The following CDKL5 variants were observed in gnomAD, a reference collection of about 807,000 sequenced individuals.
CDKL5 encodes cyclin dependent kinase like 5.
A neutral mutation model predicts 61.7 loss-of-function variants in CDKL5; 8 were observed. The observed-to-expected ratio is 0.13, with a 90% CI of 0.08 to 0.23. The LOEUF is 0.23. CDKL5 is among the 10% of genes least tolerant of loss of function. The pLI, the probability that CDKL5 is intolerant of heterozygous loss-of-function variation, is 1.00. For missense variants in CDKL5, 440 were observed against 734.5 expected (o/e 0.60, Z 4.63); for synonymous variants, 275 against 272.3 (o/e 1.01, Z -0.10).
intron 9 of CDKL5, chrX:18,589,468 A>C (rs906569126): frequency 9.1e-6 from 1 of 110,467 alleles, no homozygotes; most frequent in African/African-American, 3.3e-5. Flanking sequence ...AAGGACATGA[A>C]CTCATCCTTT....
intron 3 of CDKL5, among the ~76,000 whole-genome samples, chrX:18,553,463 TGC>T (rs772963132): frequency 1.2e-3 from 116 of 99,112 alleles, no homozygotes; most frequent in African/African-American, 4.3e-3. Context: ...TGTGTGTGTG[TGC>T]GTGTGTGTGT....
intron 20 of CDKL5, chrX:18,649,986 G>A (rs6629284): frequency 0.16 from 30,702 of 193,857 alleles, 2,124 homozygotes; most frequent in East Asian, 0.39. Context: ...ACCCGCCGCC[G>A]CCGCCCCGCT....
At chrX:18,621,950 T>C (rs1447758952) in intron 16 of CDKL5, among the ~76,000 whole-genome samples, 1 of 112,291 alleles carries the variant, frequency 8.9e-6, no homozygotes. Flanking sequence ...TGACCACTGT[T>C]ATTTTTATTT....
At chrX:18,461,292 T>C (rs1041523594) in intron 1 of CDKL5, among the ~76,000 whole-genome samples, 3 of 112,595 alleles carry the variant, frequency 2.7e-5, no homozygotes, top group Admixed American at 1.9e-4. Context: ...TTTATGTTGC[T>C]TTCTTTTTGA....
intron 1 of CDKL5, among the ~76,000 whole-genome samples, chrX:18,433,318 C>T (rs954912803): frequency 3.6e-5 from 4 of 111,273 alleles, no homozygotes; most frequent in Non-Finnish European, 5.7e-5. Context: ...TTTGGGAGGC[C>T]GAGGCAGGCG....
intron 1 of CDKL5, among the ~76,000 whole-genome samples, chrX:18,453,524 A>G (rs1303653689): frequency 4.5e-5 from 5 of 111,898 alleles, no homozygotes; most frequent in Non-Finnish European, 9.4e-5. Context: ...CATGATGTGT[A>G]TGTACTTCCT....
At chrX:18,626,735 C>CT (rs1927072258) in intron 17 of CDKL5, 1 of 37,856 alleles carries the variant, frequency 2.6e-5, no homozygotes, top group African/African-American at 1.0e-4. Flanking sequence ...CCCCCTCTCT[C>CT]CCCCCCCCTC....
intron 1 of CDKL5, among the ~76,000 whole-genome samples, chrX:18,496,205 A>T (rs1298793382): frequency 8.9e-6 from 1 of 112,437 alleles, no homozygotes; most frequent in Non-Finnish European, 1.9e-5. Flanking sequence ...ATCAGATTGC[A>T]GTCTGCTTTT....
At chrX:18,509,571 A>G (rs975821467) in intron 2 of CDKL5, among the ~76,000 whole-genome samples, 19 of 111,590 alleles carry the variant, frequency 1.7e-4, no homozygotes, top group African/African-American at 5.5e-4. Context: ...AAGCTCAGCT[A>G]TCATTCATTA....
intron 3 of CDKL5, among the ~76,000 whole-genome samples, chrX:18,539,797 A>G (rs1923958938): frequency 9.0e-6 from 1 of 111,676 alleles, no homozygotes; most frequent in South Asian, 3.7e-4. Context: ...GTTCATTAGT[A>G]TATCAGTTTG....
At chrX:18,595,532 A>T in intron 10 of CDKL5, 104 bp downstream of exon 10, 1 of 554,452 alleles carries the variant, frequency 1.8e-6, no homozygotes, top group Non-Finnish European at 3.2e-6. Flanking sequence ...ATTTTAGGAG[A>T]TGTGGAATGG....
chrX:18,539,426 A>G (rs1923947532), intron 3 of CDKL5, among the ~76,000 whole-genome samples: 1 of 112,131 alleles, frequency 8.9e-6, no homozygotes. Flanking sequence ...ATCAAGTTCT[A>G]TGAAATTAGA....
intron 1 of CDKL5, among the ~76,000 whole-genome samples, chrX:18,449,947 A>C (rs1931972024): frequency 9.0e-6 from 1 of 111,452 alleles, no homozygotes; most frequent in South Asian, 3.8e-4. Flanking sequence ...GGCGCATGCC[A>C]CCACGCGCAG....
chrX:18,509,465 G>C (rs141574488), intron 2 of CDKL5, among the ~76,000 whole-genome samples: 2 of 111,082 alleles, frequency 1.8e-5, no homozygotes, highest in East Asian at 5.7e-4. Flanking sequence ...CTGTGTTGGA[G>C]ACACATTTCC....
chrX:18,488,561 C>G (rs932915162), intron 1 of CDKL5, among the ~76,000 whole-genome samples: 4 of 111,537 alleles, frequency 3.6e-5, no homozygotes, highest in Non-Finnish European at 5.7e-5. Flanking sequence ...CATCTTCACC[C>G]CAGACTTTCT....
intron 1 of CDKL5, among the ~76,000 whole-genome samples, chrX:18,429,375 C>T (rs1931432794): frequency 9.0e-6 from 1 of 111,268 alleles, no homozygotes; most frequent in African/African-American, 3.3e-5. Context: ...TATAATACTC[C>T]ATCTATTGAG....
At chrX:18,526,061 T>G (rs2147105653) in intron 3 of CDKL5, among the ~76,000 whole-genome samples, 1 of 112,655 alleles carries the variant, frequency 8.9e-6, no homozygotes, top group East Asian at 2.8e-4. Context: ...ATATTGAGTC[T>G]TATAATCTGT....
chrX:18,524,776 G>A (rs1477393249), intron 3 of CDKL5, among the ~76,000 whole-genome samples: 4 of 112,037 alleles, frequency 3.6e-5, no homozygotes, highest in Non-Finnish European at 3.8e-5. Context: ...TTTAGTTTTT[G>A]TGAGACTTGT....
chrX:18,475,813 A>T (rs1921287052), intron 1 of CDKL5, among the ~76,000 whole-genome samples: 1 of 112,195 alleles, frequency 8.9e-6, no homozygotes, highest in African/African-American at 3.2e-5. Context: ...TAACTACTTT[A>T]ATGTTTGTGG....
Sources: allele counts gnomAD v4.1 joint callset (sites outside exome capture counted in the v4.1 genomes callset), GRCh38; gene constraint gnomAD v4.1.1; transcripts MANE v1.5; gene names NCBI Gene and HGNC (gene_info 2026-07-23, HGNC 2026-07-21).